The following CDYL variants were observed in gnomAD, a reference collection of about 807,000 sequenced individuals.
The protein encoded by CDYL is chromodomain Y like, also known as chromodomain Y-like protein.
Under a neutral mutation model 47.3 loss-of-function variants are expected in CDYL, and 8 were observed. The observed-to-expected ratio is 0.17, with a 90% CI of 0.10 to 0.31. CDYL has a LOEUF of 0.31. Ranked by LOEUF, CDYL falls within the 10% of genes least tolerant of loss-of-function variation. The pLI, the probability that CDYL is intolerant of heterozygous loss-of-function variation, is 1.00. For missense variants in CDYL, 471 were observed against 701.4 expected (o/e 0.67, Z 3.71); for synonymous variants, 266 against 265.0 (o/e 1.00, Z -0.04).
At chr6:4,892,408 C>T (rs772769390) in intron 2 of CDYL, 29 bp downstream of exon 2, 7 of 1,563,750 alleles carry the variant, frequency 4.5e-6, no homozygotes, top group African/African-American at 2.7e-5. Flanking sequence ...GCTCAGGCTC[C>T]GTGGTGATCC....
chr6:4,819,957 A>G (rs1444097151), intron 1 of CDYL, among the ~76,000 whole-genome samples: 2 of 152,310 alleles, frequency 1.3e-5, no homozygotes, highest in East Asian at 3.9e-4. Flanking sequence ...GGTGGAGTGG[A>G]AGGTCTGGTG....
intron 2 of CDYL, among the ~76,000 whole-genome samples, chr6:4,725,622 G>A (rs1757497692): frequency 6.6e-6 from 1 of 152,202 alleles, no homozygotes; most frequent in Non-Finnish European, 1.5e-5. Flanking sequence ...CCGAGCCCAC[G>A]CCCACCCGGA....
At position 4,951,197 on chromosome 6, in the gene CDYL, C is replaced by T. The variant is rs145888096; in HGVS notation, c.1333-1069C>T. On this transcript the variant is annotated intron_variant, in intron 5 of 6. Transcript: ENST00000397588. ...TTTTGCCTCTTTTGGAAGTGGAAGCCACCTACCGAAATTGTGTTTTACCAG... is the reference window on the plus strand; with the variant it reads ...TTTTGCCTCTTTTGGAAGTGGAAGCTACCTACCGAAATTGTGTTTTACCAG... 1.4e-4 allele frequency among the ~76,000 whole-genome samples: 22 copies of T among 152,244 alleles called. No homozygotes were observed. In the South Asian group the frequency reaches 4.3e-3, roughly 30 times the overall value.
intron 3 of CDYL, among the ~76,000 whole-genome samples, chr6:4,736,419 G>A (rs1757705196): frequency 6.6e-6 from 1 of 152,206 alleles, no homozygotes; most frequent in African/African-American, 2.4e-5. Flanking sequence ...AATAAGGATG[G>A]AATATTTTTC....
At chr6:4,724,037 C>A (rs1439936325) in intron 2 of CDYL, among the ~76,000 whole-genome samples, 1 of 152,014 alleles carries the variant, frequency 6.6e-6, no homozygotes, top group African/African-American at 2.4e-5. Context: ...TGCATCTGTC[C>A]CCTCACTTTT....
intron 3 of CDYL, among the ~76,000 whole-genome samples, chr6:4,936,463 A>G (rs922472121): frequency 2.0e-5 from 3 of 152,226 alleles, no homozygotes; most frequent in Non-Finnish European, 2.9e-5. Context: ...TCCAGACAAG[A>G]AAACTTAACT....
intron 1 of CDYL, among the ~76,000 whole-genome samples, chr6:4,887,638 A>G (rs1202062230): frequency 1.3e-5 from 2 of 152,142 alleles, no homozygotes; most frequent in African/African-American, 4.8e-5. Context: ...TGCAAATAGC[A>G]ATAATTGTAC....
rs1207203060 is a variant in CDYL at position 4,733,639 on chromosome 6, AT to A, written c.104-1121del. Among the ~76,000 whole-genome samples the A allele has an allele frequency of 7.2e-5, 11 of 152,266 alleles. No homozygotes were observed. In the East Asian group the frequency reaches 1.7e-3, roughly 24 times the overall value. On this transcript the variant is annotated intron_variant, in intron 2 of 8. Transcript: ENST00000328908. ...GTCACTCAGTTTTAAGAGAAACTTC[AT>A]TCTGGTCATTAAGACTCCATCTCAG...
intron 2 of CDYL, among the ~76,000 whole-genome samples, chr6:4,896,749 A>G (rs1191523365): frequency 6.6e-6 from 1 of 152,198 alleles, no homozygotes; most frequent in Non-Finnish European, 1.5e-5. Flanking sequence ...ACGTAAAGAA[A>G]CTGATTTGTT....
intron 1 of CDYL, chr6:4,890,009 A>G: frequency 2.0e-6 from 2 of 985,392 alleles, no homozygotes; most frequent in Non-Finnish European, 1.2e-6. Flanking sequence ...GAGGGAGGGG[A>G]AACAAAAGCA....
At chr6:4,863,459 T>G (rs1761231506) in intron 1 of CDYL, among the ~76,000 whole-genome samples, 1 of 152,162 alleles carries the variant, frequency 6.6e-6, no homozygotes, top group Admixed American at 6.5e-5. Context: ...CTTTTGGAAT[T>G]AAAAAAAGGT....
intron 3 of CDYL, among the ~76,000 whole-genome samples, chr6:4,746,773 T>G (rs1410841206): frequency 6.6e-6 from 1 of 152,058 alleles, no homozygotes; most frequent in Non-Finnish European, 1.5e-5. Context: ...GTCGCTGGCA[T>G]AGACTAATGG....
At chr6:4,904,424 T>C (rs1220883567) in intron 2 of CDYL, among the ~76,000 whole-genome samples, 1 of 152,238 alleles carries the variant, frequency 6.6e-6, no homozygotes, top group African/African-American at 2.4e-5. Context: ...TTAAAGCTTA[T>C]CTCCAAAGTG....
intron 1 of CDYL, among the ~76,000 whole-genome samples, chr6:4,857,831 G>A (rs1331222579): frequency 1.3e-5 from 2 of 152,178 alleles, no homozygotes; most frequent in Admixed American, 6.5e-5. Flanking sequence ...GATGATTGCT[G>A]TGTTCCTTGA....
intron 1 of CDYL, among the ~76,000 whole-genome samples, chr6:4,790,719 A>T (rs1758895229): frequency 6.6e-6 from 1 of 152,242 alleles, no homozygotes; most frequent in African/African-American, 2.4e-5. Flanking sequence ...GTATGGACCC[A>T]AAAATGAGTG....
At chr6:4,880,784 C>T (rs779604347) in intron 1 of CDYL, among the ~76,000 whole-genome samples, 8 of 152,214 alleles carry the variant, frequency 5.3e-5, no homozygotes, top group Non-Finnish European at 1.2e-4. Context: ...GTGACATATT[C>T]TGTGGCACAT....
chr6:4,772,357 GC>G (rs773779210), upstream of CDYL, among the ~76,000 whole-genome samples: 3 of 152,164 alleles, frequency 2.0e-5, no homozygotes, highest in African/African-American at 4.8e-5. Context: ...GGGAGAGGCT[GC>G]CCCTCGAAAT....
chr6:4,905,864 C>T (rs1026345982), intron 2 of CDYL, among the ~76,000 whole-genome samples: 1 of 152,192 alleles, frequency 6.6e-6, no homozygotes, highest in African/African-American at 2.4e-5. Flanking sequence ...GCATAGGGAT[C>T]AAGTCAGGGC....
chr6:4,871,720 A>G (rs1581226024), intron 1 of CDYL, among the ~76,000 whole-genome samples: 2 of 152,054 alleles, frequency 1.3e-5, no homozygotes, highest in African/African-American at 4.8e-5. Flanking sequence ...TCTCCACCCT[A>G]AATAGTCTCC....
Sources: allele counts gnomAD v4.1 joint callset (sites outside exome capture counted in the v4.1 genomes callset), GRCh38; gene constraint gnomAD v4.1.1; transcripts MANE v1.5; gene names NCBI Gene and HGNC (gene_info 2026-07-23, HGNC 2026-07-21).